The following CEMIP variants were observed in gnomAD, a reference collection of about 807,000 sequenced individuals.
CEMIP encodes the protein cell migration-inducing and hyaluronan-binding protein.
In CEMIP, 105 loss-of-function variants were observed where a neutral mutation model predicts 156.9. The ratio of observed to expected loss-of-function variants is 0.67; its 90% CI spans 0.57 to 0.79. The LOEUF (loss-of-function observed/expected upper bound fraction) is 0.79, where lower values mean the gene tolerates loss of function less well. CEMIP is among the 30% of genes least tolerant of loss of function. The pLI is 0.00. For synonymous variants in CEMIP, 676 were observed against 668.4 expected (o/e 1.01, Z -0.17); for missense variants, 1,457 against 1,769.4 (o/e 0.82, Z 3.17).
chr15:80,939,947 A>G (rs1223014470), intron 25 of CEMIP, among the ~76,000 whole-genome samples: 3 of 152,204 alleles, frequency 2.0e-5, no homozygotes, highest in South Asian at 4.1e-4. Flanking sequence ...AGGGGATTTC[A>G]AAGTGTGAAA....
rs1350138854 is a variant in CEMIP, at chr15:80,920,294, C to T, written c.1998C>T (p.Asp666=). 6.2e-7 allele frequency: 1 copy of T among 1,613,624 alleles called. No individual in the cohort carries two copies. Among genetic ancestry groups the T allele is most frequent in the Non-Finnish European group, 8.5e-7 (1 of 1,179,658 alleles). ...GGTACATCCCCAAGCCCAGGCAAGA[C>T]TGCAAGTAAGTGCCTGGACCCCTCT... ...YPGYIPKPRQ[D]CNAVSTFWMA... The change falls in exon 15 of 30, where the codon GAC becomes GAT. Residue 666 remains aspartate, a synonymous_variant. Coordinates refer to ENST00000394685, the MANE Select transcript of CEMIP (RefSeq NM_001293298.2).
At chr15:80,805,885 C>T (rs1896501806) in intron 1 of CEMIP, among the ~76,000 whole-genome samples, 1 of 152,182 alleles carries the variant, frequency 6.6e-6, no homozygotes, top group Non-Finnish European at 1.5e-5. Context: ...TTGTTTGAGT[C>T]ATCCTGTGTC....
In CEMIP at chr15:80,936,889, A is replaced by G; in HGVS notation, c.3221+4A>G. On this transcript the variant is annotated splice_donor_region_variant and intron_variant, in intron 24 of 29. Coordinates refer to ENST00000394685, the MANE Select transcript of CEMIP (RefSeq NM_001293298.2). ...TCTGGCTCATCAACTTCAACAAGTG[A>G]GTGGGTGTCCAGCCAGGAGCAGTGA... The G allele has an allele frequency of 6.2e-7, 1 of 1,613,746 alleles. No individual in the cohort carries two copies. The highest frequency in any genetic ancestry group is 8.5e-7 in the Non-Finnish European group (1 of 1,179,796).
In CEMIP at chr15:80,906,984, T is replaced by A; in HGVS notation, c.1587+146T>A. 2 of 815,186 alleles carry A rather than the reference T, an allele frequency of 2.5e-6. No individual in the cohort carries two copies. Among genetic ancestry groups the A allele is most frequent in the Non-Finnish European group, 4.0e-6 (2 of 497,230 alleles). 50.5% of individuals were successfully genotyped at this position (815,186 alleles called of 1,614,324 possible). ...GGGCGCCTTCTGGAAGTTTGAGAAG[T>A]CTTATGTATTATCCATTAGTGTGCA... On this transcript the variant is annotated intron_variant, in intron 13 of 29. Transcript: ENST00000394685. The surrounding 1 kb of genome is among the most constrained non-coding windows in gnomAD (Gnocchi z 4.3).
intron 1 of CEMIP, among the ~76,000 whole-genome samples, chr15:80,846,980 A>G (rs1464198026): frequency 6.6e-6 from 1 of 152,238 alleles, no homozygotes; most frequent in East Asian, 1.9e-4. Flanking sequence ...TCTCCAGGAA[A>G]GGACTTAGGA....
In CEMIP at chr15:80,937,867, C is replaced by T. The variant is rs771612921; in HGVS notation, c.3295C>T (p.Arg1099Cys). 3.7e-6 allele frequency: 6 copies of T among 1,614,116 alleles called. No homozygotes were observed. The highest frequency in any genetic ancestry group is 1.1e-5 in the South Asian group (1 of 91,086). The change falls in exon 25 of 30, where the codon CGC becomes TGC. Residue 1099 changes from arginine (R) to cysteine (C), a missense_variant. By Grantham distance (180) the Arg-to-Cys change is radical. Transcript: ENST00000394685. ...TFSILSDVHN[R>C]LLKQTSKTGV... Reference sequence around the variant, plus strand: ...CTCCATCCTCTCGGATGTTCACAATCGCCTGCTGAAGCAAACGTCCAAGAC... The same window carrying T: ...CTCCATCCTCTCGGATGTTCACAATTGCCTGCTGAAGCAAACGTCCAAGAC...
chr15:80,936,860 G>A lies in CEMIP; in HGVS notation c.3196G>A (p.Ala1066Thr), dbSNP rs367600809. 2.4e-5 allele frequency: 39 copies of A among 1,613,996 alleles called. No individual in the cohort carries two copies. The highest frequency in any genetic ancestry group is 3.3e-5 in the South Asian group (3 of 91,084). The change falls in exon 24 of 30, where the codon GCC becomes ACC. Residue 1066 changes from alanine to threonine, a missense_variant. Physicochemically the swap from Ala to Thr is moderately conservative, Grantham distance 58 (BLOSUM62 0). Around this residue, in one of 5 missense-constraint regions of CEMIP, gnomAD observed 798 missense variants for 980.1 expected, o/e 0.81. Coordinates refer to ENST00000394685, the MANE Select transcript of CEMIP (RefSeq NM_001293298.2). The part of the protein sequence containing the change: ...HWDQTAPAEL[A>T]IWLINFNKGD... ...GGACCAGACGGCCCCCGCCGAACTCGCCATCTGGCTCATCAACTTCAACAA... is the reference window on the plus strand; with the variant it reads ...GGACCAGACGGCCCCCGCCGAACTCACCATCTGGCTCATCAACTTCAACAA...
chr15:80,886,795 A>AC (rs1221858586), intron 7 of CEMIP, among the ~76,000 whole-genome samples: 1 of 151,986 alleles, frequency 6.6e-6, no homozygotes, highest in Admixed American at 6.6e-5. Flanking sequence ...TGAGTTAAAC[A>AC]CAGTAAACAG....
chr15:80,938,109 G>A, intron 25 of CEMIP, 130 bp downstream of exon 25: 1 of 769,992 alleles, frequency 1.3e-6, no homozygotes, highest in East Asian at 2.7e-5. Flanking sequence ...TAGGCATTTT[G>A]ACTCTAAGGC....
intron 1 of CEMIP, among the ~76,000 whole-genome samples, chr15:80,835,339 G>C (rs907632638): frequency 6.6e-6 from 1 of 152,230 alleles, no homozygotes; most frequent in African/African-American, 2.4e-5. Context: ...CCATCGCTGA[G>C]TTCCAAAGTA....
In CEMIP at chr15:80,820,522, G is replaced by GT. The variant is rs533473129; in HGVS notation, c.-176+40909dup. Reference sequence around the variant, plus strand: ...GGATCATCAGTTACAAGGAGTAGCAGTGGATCACAGCATAGGATGTGGATT... The same window carrying GT: ...GGATCATCAGTTACAAGGAGTAGCAGTTGGATCACAGCATAGGATGTGGATT... On this transcript the variant is annotated intron_variant, in intron 1 of 29. Coordinates refer to ENST00000394685, the MANE Select transcript of CEMIP (RefSeq NM_001293298.2). Among the ~76,000 whole-genome samples, 72 of 152,320 alleles carry GT rather than the reference G, an allele frequency of 4.7e-4. 1 individual carries two copies. In the South Asian group the frequency reaches 0.015, roughly 31 times the overall value.
intron 1 of CEMIP, among the ~76,000 whole-genome samples, chr15:80,842,470 A>C (rs1363924052): frequency 1.3e-5 from 2 of 152,134 alleles, no homozygotes; most frequent in African/African-American, 4.8e-5. Flanking sequence ...GGTGACTCAC[A>C]CCTGTACTCC....
At chr15:80,813,867 TC>T (rs1436813281) in intron 1 of CEMIP, among the ~76,000 whole-genome samples, 1 of 152,120 alleles carries the variant, frequency 6.6e-6, no homozygotes, top group East Asian at 1.9e-4. Flanking sequence ...GCAAATTTGA[TC>T]ATTTTTCTCT....
intron 14 of CEMIP, among the ~76,000 whole-genome samples, chr15:80,912,726 C>T (rs765973453): frequency 3.3e-5 from 5 of 152,182 alleles, no homozygotes; most frequent in South Asian, 2.1e-4. Flanking sequence ...GTAAATGCTC[C>T]GCCACTGGGG....
In CEMIP at chr15:80,951,234, T is replaced by C. The variant is rs765861338; in HGVS notation, c.*2310T>C. ...TTCAGGTGGCCAGGAATGTTGAATG[T>C]CTTTGGCTCAGTTCATTTAAAAAAG... On this transcript the variant is annotated 3_prime_UTR_variant, in exon 30 of 30. Transcript: ENST00000394685. 2 of 152,670 alleles carry C rather than the reference T, an allele frequency of 1.3e-5. No individual in the cohort carries two copies. The highest frequency in any genetic ancestry group is 2.4e-5 in the African/African-American group (1 of 41,448). The allele number at this position is 152,670 out of a possible 1,614,324, so 9.5% of individuals were successfully genotyped here.
rs1263355247 is a variant in CEMIP, at chr15:80,921,999, TC to T, written c.2074-6del. The T allele has an allele frequency of 6.2e-7, 1 of 1,613,976 alleles. No individual in the cohort carries two copies. The highest frequency in any genetic ancestry group is 8.5e-7 in the Non-Finnish European group (1 of 1,179,992). On this transcript the variant is annotated splice_polypyrimidine_tract_variant and intron_variant, in intron 16 of 29. Transcript: ENST00000394685. Reference sequence around the variant, plus strand: ...CGCTGTGGCTTTTCCCTTGTGTCCTTCCCCAACAGGAAACTGGATTTTGGTT... The same window carrying T: ...CGCTGTGGCTTTTCCCTTGTGTCCTTCCCAACAGGAAACTGGATTTTGGTT...
In CEMIP at chr15:80,929,153, G is replaced by A; in HGVS notation, c.2591G>A (p.Gly864Glu). The A allele has an allele frequency of 6.2e-7, 1 of 1,614,238 alleles. No homozygotes were observed. The highest frequency in any genetic ancestry group is 2.2e-5 in the East Asian group (1 of 44,876). The part of the protein sequence containing the change: ...IWGPGGLDHS[G>E]RTLPIGQNFP... ...GGCCCTGGCGGCTTGGACCATAGCGGAAGGACCCTCCCTATAGGCCAGTAG... is the reference window on the plus strand; with the variant it reads ...GGCCCTGGCGGCTTGGACCATAGCGAAAGGACCCTCCCTATAGGCCAGTAG... The change falls in exon 21 of 30, where the codon GGA (glycine) becomes GAA (glutamate). Residue 864 changes from glycine to glutamate, a missense_variant. Gly to Glu is a moderately conservative substitution (Grantham distance 98). Around this residue, in one of 5 missense-constraint regions of CEMIP, gnomAD observed 798 missense variants for 980.1 expected, o/e 0.81. Transcript: ENST00000394685.
chr15:80,795,759 C>T lies in CEMIP; in HGVS notation c.-176+16145C>T, dbSNP rs576431541. Among the ~76,000 whole-genome samples, 20 of 151,958 alleles carry T rather than the reference C, an allele frequency of 1.3e-4. 1 individual carries two copies. The highest frequency in any genetic ancestry group is 4.6e-4 in the African/African-American group (19 of 41,440). The stretch of plus-strand genomic sequence containing the variant: ...GGCCAGCCTGGGCAACACAGCAAGA[C>T]CCCCATCTATAAGAAAAAGGAATTG... On this transcript the variant is annotated intron_variant, in intron 1 of 29. Coordinates refer to ENST00000394685, the MANE Select transcript of CEMIP (RefSeq NM_001293298.2).
chr15:80,857,540 G>GAGGGCAGAAGGTGTCTT (rs1401277280), intron 1 of CEMIP, among the ~76,000 whole-genome samples: 4 of 152,218 alleles, frequency 2.6e-5, no homozygotes, highest in African/African-American at 4.8e-5. Context: ...GGGGAAGGAT[G>GAGGGCAGAAGGTGTCTT]AGGGCAGAAG....
Sources: gnomAD v4.1 joint callset for allele counts (sites outside exome capture counted in the v4.1 genomes callset) on GRCh38, gnomAD v4.1.1 for gene constraint, gnomAD v4.1.1 regional missense constraint, Gnocchi (gnomAD v3.1) non-coding constraint, MANE v1.5 for transcripts, NCBI Gene and HGNC (gene_info 2026-07-23, HGNC 2026-07-21) for gene names.